SOX6: variants seen among roughly 807,000 people sequenced by gnomAD.
SOX6 encodes SRY-box transcription factor 6.
In SOX6, 11 loss-of-function variants were observed where a neutral mutation model predicts 97.8. That is an observed-to-expected ratio of 0.11 (90% CI 0.07 to 0.19). SOX6 has a LOEUF of 0.19. Among genes scored for constraint, SOX6 ranks in the 10% least tolerant of loss-of-function variants. The pLI, the probability that SOX6 is intolerant of heterozygous loss-of-function variation, is 1.00. For synonymous variants in SOX6, 360 were observed against 371.4 expected, an observed-to-expected ratio of 0.97 and a Z score of 0.35; for missense variants, 810 against 1,039.5, an observed-to-expected ratio of 0.78 and a Z score of 3.04.
chr11:16,241,518 A>T (rs1853194208), intron 3 of SOX6, among the ~76,000 whole-genome samples: 1 of 152,048 alleles, frequency 6.6e-6, no homozygotes, highest in South Asian at 2.1e-4. Flanking sequence ...TTAAAACTGT[A>T]TTCTAATTTC....
intron 9 of SOX6, among the ~76,000 whole-genome samples, chr11:16,069,672 C>T (rs938263319): frequency 5.9e-5 from 9 of 152,070 alleles, no homozygotes; most frequent in Admixed American, 5.9e-4. Flanking sequence ...TATGCAAATA[C>T]ACATAAAGGG....
chr11:16,040,374 A>C (rs1274087454), intron 12 of SOX6, among the ~76,000 whole-genome samples: 1 of 152,054 alleles, frequency 6.6e-6, no homozygotes, highest in Non-Finnish European at 1.5e-5. Flanking sequence ...AGTCCTGACA[A>C]CAGAAAGAAA....
intron 3 of SOX6, among the ~76,000 whole-genome samples, chr11:16,650,344 C>G (rs147072039): frequency 6.6e-6 from 1 of 152,122 alleles, no homozygotes; most frequent in African/African-American, 2.4e-5. Context: ...TTCTTCAGCA[C>G]ATGAACATTC....
chr11:16,334,194 G>GA lies in SOX6; in HGVS notation c.237+6817dup, dbSNP rs367840060. Among the ~76,000 whole-genome samples the GA allele has an allele frequency of 5.0e-3, 733 of 147,618 alleles. 1 individual carries two copies. The highest frequency in any genetic ancestry group is 0.021 in the Middle Eastern group (6 of 290). Reference sequence around the variant, plus strand: ...GACATTCTGAATACACAACTTCACTGAAAAAAAAAAGATACTAATGTCCGA... The same window carrying GA: ...GACATTCTGAATACACAACTTCACTGAAAAAAAAAAAGATACTAATGTCCGA... On this transcript the variant is annotated intron_variant, in intron 2 of 15. Coordinates refer to ENST00000683767, the MANE Select transcript of SOX6 (RefSeq NM_001367873.1).
intron 1 of SOX6, among the ~76,000 whole-genome samples, chr11:16,392,677 C>T (rs1426642320): frequency 6.6e-6 from 1 of 152,076 alleles, no homozygotes; most frequent in Non-Finnish European, 1.5e-5. Context: ...CACACCAATT[C>T]TTATGAGGTT....
chr11:16,589,011 G>A (rs1179169791), intron 4 of SOX6, among the ~76,000 whole-genome samples: 1 of 152,166 alleles, frequency 6.6e-6, no homozygotes, highest in African/African-American at 2.4e-5. Flanking sequence ...GTGACAGAGT[G>A]AGACCAATCC....
At chr11:16,055,975 C>T (rs1019629188) in intron 9 of SOX6, 74 bp from the exon 10 acceptor site, 3 of 1,526,158 alleles carry the variant, frequency 2.0e-6, no homozygotes, top group African/African-American at 2.7e-5. Context: ...AAAAACTTAC[C>T]ATATTGTTAG....
chr11:16,288,751 T>C (rs1854824246), intron 3 of SOX6, among the ~76,000 whole-genome samples: 1 of 151,962 alleles, frequency 6.6e-6, no homozygotes, highest in South Asian at 2.1e-4. Context: ...CTATATGATG[T>C]CTCTATGTAG....
chr11:16,627,308 G>A (rs190421733), intron 3 of SOX6, among the ~76,000 whole-genome samples: 9 of 152,308 alleles, frequency 5.9e-5, no homozygotes, highest in Non-Finnish European at 1.0e-4. Context: ...CTTTTTGGTA[G>A]AATAACTTGT....
chr11:16,675,668 A>C (rs909388078), intron 3 of SOX6, among the ~76,000 whole-genome samples: 3 of 152,198 alleles, frequency 2.0e-5, no homozygotes, highest in Non-Finnish European at 4.4e-5. Context: ...AGTTTTTGTC[A>C]GTCTAAGAAT....
At chr11:16,201,876 G>A (rs796066532) in intron 4 of SOX6, among the ~76,000 whole-genome samples, 10 of 134,994 alleles carry the variant, frequency 7.4e-5, no homozygotes, top group Non-Finnish European at 1.4e-4. Context: ...CTCGTGATCC[G>A]CCCGCCTCGG....
intron 4 of SOX6, among the ~76,000 whole-genome samples, chr11:16,526,900 G>A (rs565385880): frequency 6.6e-5 from 10 of 151,918 alleles, no homozygotes; most frequent in Non-Finnish European, 1.5e-4. Context: ...GTTTTTCCCC[G>A]GACATCTTCT....
At chr11:16,078,656 A>G (rs750261455) in intron 9 of SOX6, among the ~76,000 whole-genome samples, 37 of 152,168 alleles carry the variant, frequency 2.4e-4, no homozygotes, top group Admixed American at 2.0e-4. Context: ...AGATAAGCAT[A>G]TAGATATGTA....
At chr11:16,051,627 T>C (rs2133915906) in intron 10 of SOX6, among the ~76,000 whole-genome samples, 1 of 152,298 alleles carries the variant, frequency 6.6e-6, no homozygotes, top group East Asian at 1.9e-4. Context: ...TCAAAGGATG[T>C]TTGAACTAGT....
intron 13 of SOX6, among the ~76,000 whole-genome samples, chr11:16,007,485 G>A (rs541565970): frequency 1.3e-5 from 2 of 152,150 alleles, no homozygotes; most frequent in South Asian, 4.1e-4. Context: ...GGGAGGACTG[G>A]GTGGGTACTG....
At chr11:16,408,628 T>G (rs886998477) in intron 1 of SOX6, 1 of 152,160 alleles carries the variant, frequency 6.6e-6, no homozygotes, top group Admixed American at 6.5e-5. Flanking sequence ...CTAACATTTG[T>G]TTTAAACTAT....
chr11:16,135,981 C>A (rs1040892492), intron 6 of SOX6, among the ~76,000 whole-genome samples: 1 of 152,178 alleles, frequency 6.6e-6, no homozygotes, highest in African/African-American at 2.4e-5. Flanking sequence ...AGACCCTCCA[C>A]CAGTAAAAAA....
intron 3 of SOX6, among the ~76,000 whole-genome samples, chr11:16,702,695 T>A (rs1276971124): frequency 6.6e-6 from 1 of 152,084 alleles, no homozygotes; most frequent in Non-Finnish European, 1.5e-5. Context: ...TGGAGAATTT[T>A]GAAAACTCCC....
intron 6 of SOX6, among the ~76,000 whole-genome samples, chr11:16,152,095 C>T (rs780894382): frequency 5.9e-5 from 9 of 152,138 alleles, no homozygotes; most frequent in African/African-American, 1.9e-4. Flanking sequence ...ATAGGGAACA[C>T]CACAGATGTT....
Sources: gnomAD v4.1 joint callset for allele counts (sites outside exome capture counted in the v4.1 genomes callset) on GRCh38, gnomAD v4.1.1 for gene constraint, MANE v1.5 for transcripts, NCBI Gene and HGNC (gene_info 2026-07-23, HGNC 2026-07-21) for gene names.